The following BANK1 variants were observed in gnomAD, a reference collection of about 807,000 sequenced individuals.
The protein encoded by BANK1 is B cell scaffold protein with ankyrin repeats 1.
In BANK1, 95 loss-of-function variants were observed where a neutral mutation model predicts 94.5. The ratio of observed to expected loss-of-function variants is 1.00; its 90% CI spans 0.85 to 1.19. The LOEUF is 1.19. Among genes scored for constraint, BANK1 ranks in the 50% most tolerant of loss-of-function variants. BANK1 has a pLI of 0.00. For missense variants in BANK1, 987 were observed against 932.2 expected (o/e 1.06, Z -0.77); for synonymous variants, 334 against 308.4 (o/e 1.08, Z -0.87).
chr4:101,979,429 T>C (rs539526564), intron 7 of BANK1, among the ~76,000 whole-genome samples: 2 of 152,068 alleles, frequency 1.3e-5, no homozygotes, highest in African/African-American at 4.8e-5. Context: ...CTGTTTCTTA[T>C]TGAAATGTTG....
intron 1 of BANK1, among the ~76,000 whole-genome samples, chr4:101,823,421 C>T (rs1203836581): frequency 6.6e-6 from 1 of 152,070 alleles, no homozygotes; most frequent in Non-Finnish European, 1.5e-5. Flanking sequence ...TATGGCCTTC[C>T]TGCTCTCAGA....
intron 7 of BANK1, among the ~76,000 whole-genome samples, chr4:101,985,101 GT>G (rs1725440188): frequency 6.6e-6 from 1 of 152,086 alleles, no homozygotes; most frequent in Non-Finnish European, 1.5e-5. Flanking sequence ...ACCCAGGAGA[GT>G]TGCTAGTGTG....
At chr4:101,839,615 CA>C (rs1726955494) in intron 2 of BANK1, among the ~76,000 whole-genome samples, 1 of 152,072 alleles carries the variant, frequency 6.6e-6, no homozygotes. Context: ...CTATATTTTT[CA>C]GCCCCGTTAT....
chr4:101,940,818 C>T (rs574563384), intron 7 of BANK1, among the ~76,000 whole-genome samples: 4 of 151,882 alleles, frequency 2.6e-5, no homozygotes, highest in South Asian at 2.1e-4. Context: ...ATGTTTCCCT[C>T]GATCACCTGG....
intron 6 of BANK1, among the ~76,000 whole-genome samples, chr4:101,910,766 GT>G (rs1280099840): frequency 6.8e-6 from 1 of 147,260 alleles, no homozygotes; most frequent in Non-Finnish European, 1.5e-5. Context: ...CTAAAAATAT[GT>G]TTTCCCATAC....
At chr4:101,810,571 G>A (rs1725705542) in intron 1 of BANK1, among the ~76,000 whole-genome samples, 1 of 152,010 alleles carries the variant, frequency 6.6e-6, no homozygotes, top group South Asian at 2.1e-4. Flanking sequence ...ATACATTATT[G>A]GAACATCTTT....
intron 4 of BANK1, among the ~76,000 whole-genome samples, chr4:101,864,283 C>T (rs1239435560): frequency 2.0e-5 from 3 of 152,136 alleles, no homozygotes; most frequent in African/African-American, 7.2e-5. Flanking sequence ...TGGAAACTGC[C>T]TTGGCAGAAA....
At chr4:101,965,245 C>T (rs954069595) in intron 7 of BANK1, among the ~76,000 whole-genome samples, 4 of 151,428 alleles carry the variant, frequency 2.6e-5, no homozygotes, top group African/African-American at 9.7e-5. Flanking sequence ...AAAGAATTTT[C>T]GATCTGAAAT....
At chr4:102,016,735 TC>T (rs951975258) in intron 7 of BANK1, among the ~76,000 whole-genome samples, 3 of 152,204 alleles carry the variant, frequency 2.0e-5, no homozygotes, top group Non-Finnish European at 2.9e-5. Flanking sequence ...TTCTGACATA[TC>T]TCCCTTCTGG....
At chr4:101,896,698 CAAAT>C (rs1034660314) in intron 6 of BANK1, among the ~76,000 whole-genome samples, 12 of 151,038 alleles carry the variant, frequency 7.9e-5, no homozygotes, top group Non-Finnish European at 1.5e-4. Flanking sequence ...ATTGGAAAAA[CAAAT>C]AATATACATG....
At position 101,830,157 on chromosome 4, in the gene BANK1, A is replaced by G; in HGVS notation, c.420A>G (p.Glu140=). The change falls in exon 2 of 17, where the codon GAA becomes GAG. Residue 140 remains glutamate (E), a synonymous_variant. Transcript: ENST00000322953. ...ISQSRWEIST[E]QEPEDYISVI... ...AAAGCAGATGGGAGATCTCAACTGA[A>G]CAGGAACCTGAAGACTACATCTCTG... is the stretch of plus-strand genomic sequence containing the variant. 1 of 1,600,914 alleles carries G rather than the reference A, an allele frequency of 6.2e-7. No homozygotes were observed.
chr4:102,024,647 A>T (rs1327227599), intron 8 of BANK1, among the ~76,000 whole-genome samples: 2 of 152,112 alleles, frequency 1.3e-5, no homozygotes, highest in Admixed American at 6.6e-5. Flanking sequence ...CCAAAAAAAA[A>T]TTAACTTTTC....
At chr4:101,877,345 C>T (rs895387617) in intron 5 of BANK1, among the ~76,000 whole-genome samples, 4 of 152,144 alleles carry the variant, frequency 2.6e-5, no homozygotes, top group Non-Finnish European at 5.9e-5. Context: ...AGGTACAAAA[C>T]TTACTAGTAA....
intron 2 of BANK1, among the ~76,000 whole-genome samples, chr4:101,833,922 A>T (rs888096730): frequency 6.6e-6 from 1 of 152,178 alleles, no homozygotes; most frequent in South Asian, 2.1e-4. Flanking sequence ...GACTGAAAAG[A>T]AAAAAGTGTT....
chr4:101,801,115 T>C (rs1460700395), intron 1 of BANK1, among the ~76,000 whole-genome samples: 1 of 152,174 alleles, frequency 6.6e-6, no homozygotes, highest in Non-Finnish European at 1.5e-5. Context: ...CCTAACACTG[T>C]ACCCTCTAGA....
At chr4:101,999,162 TCTTTA>T (rs1725977175) in intron 7 of BANK1, among the ~76,000 whole-genome samples, 1 of 152,316 alleles carries the variant, frequency 6.6e-6, no homozygotes, top group East Asian at 1.9e-4. Context: ...GTGGTTTGTA[TCTTTA>T]CTTGTCACTT....
At chr4:101,924,526 CAG>C (rs1040613283) in intron 7 of BANK1, among the ~76,000 whole-genome samples, 1 of 151,754 alleles carries the variant, frequency 6.6e-6, no homozygotes, top group African/African-American at 2.4e-5. Context: ...GAGTAGGAAA[CAG>C]AAGCAGAAAG....
intron 7 of BANK1, among the ~76,000 whole-genome samples, chr4:102,004,799 C>G (rs1325578008): frequency 6.6e-6 from 1 of 152,108 alleles, no homozygotes; most frequent in Admixed American, 6.5e-5. Flanking sequence ...TTAAAGCCCT[C>G]ACAGCATAGA....
intron 7 of BANK1, among the ~76,000 whole-genome samples, chr4:101,983,529 A>G (rs1029096043): frequency 5.9e-5 from 9 of 152,154 alleles, no homozygotes; most frequent in Non-Finnish European, 1.0e-4. Context: ...GCTTACAACA[A>G]TGCCTGGCAG....
Sources: allele counts gnomAD v4.1 joint callset (sites outside exome capture counted in the v4.1 genomes callset), GRCh38; gene constraint gnomAD v4.1.1; transcripts MANE v1.5; gene names NCBI Gene and HGNC (gene_info 2026-07-23, HGNC 2026-07-21).